The following NDRG1 variants were observed in gnomAD, a reference collection of about 807,000 sequenced individuals.
NDRG1 encodes N-myc downstream regulated 1.
A neutral mutation model predicts 56.9 loss-of-function variants in NDRG1; 32 were observed. That is an observed-to-expected ratio of 0.56 (90% CI 0.42 to 0.76). NDRG1 has a LOEUF of 0.76. Among genes scored for constraint, NDRG1 ranks in the 30% least tolerant of loss-of-function variants. The pLI, the probability that NDRG1 is intolerant of heterozygous loss-of-function variation, is 0.00. For synonymous variants in NDRG1, 211 were observed against 204.1 expected (o/e 1.03, Z -0.29); for missense variants, 507 against 545.7 (o/e 0.93, Z 0.71).
rs554834083 is a variant in NDRG1 at position 133,280,580 on chromosome 8, C to T, written c.64-313G>A. On this transcript the variant is annotated intron_variant, in intron 2 of 15. Coordinates refer to ENST00000323851, the MANE Select transcript of NDRG1 (RefSeq NM_006096.4). ...CTGGGACTACAGGTGCCCGCCACCA[C>T]GCCCAGTTATTTTTATTTTTATTTT... is the stretch of plus-strand genomic sequence containing the variant. Among the ~76,000 whole-genome samples the T allele has an allele frequency of 4.6e-5, 7 of 152,114 alleles. No individual in the cohort carries two copies. In the South Asian group the frequency reaches 8.3e-4, roughly 18 times the overall value.
intron 11 of NDRG1, 83 bp from the exon 12 acceptor site, chr8:133,248,009 G>A: frequency 7.4e-7 from 1 of 1,345,858 alleles, no homozygotes; most frequent in Non-Finnish European, 1.1e-6. Flanking sequence ...GCTGGGGCCT[G>A]CATTCTACAA....
chr8:133,266,192 C>T (rs906128711), intron 3 of NDRG1, among the ~76,000 whole-genome samples: 1 of 152,258 alleles, frequency 6.6e-6, no homozygotes, highest in Non-Finnish European at 1.5e-5. Context: ...AATCAGCCTC[C>T]GCGGGGCCCC....
intron 3 of NDRG1, among the ~76,000 whole-genome samples, chr8:133,272,949 C>A (rs1857267384): frequency 6.6e-6 from 1 of 152,146 alleles, no homozygotes; most frequent in African/African-American, 2.4e-5. Flanking sequence ...GTGAGCTGGT[C>A]CGCTTCCAAG....
chr8:133,249,671 G>A (rs1855902679), intron 10 of NDRG1, among the ~76,000 whole-genome samples: 1 of 152,210 alleles, frequency 6.6e-6, no homozygotes, highest in African/African-American at 2.4e-5. Context: ...TAAGTGAACC[G>A]CACTGCCAGG....
intron 3 of NDRG1, among the ~76,000 whole-genome samples, chr8:133,278,474 G>A (rs1051419193): frequency 4.6e-5 from 7 of 152,110 alleles, no homozygotes; most frequent in South Asian, 4.1e-4. Flanking sequence ...CATGCCCAGC[G>A]TCCTGCAACA....
chr8:133,273,614 C>T (rs1857304119), intron 3 of NDRG1, among the ~76,000 whole-genome samples: 1 of 152,320 alleles, frequency 6.6e-6, no homozygotes, highest in South Asian at 2.1e-4. Flanking sequence ...ATTACGACTT[C>T]CATGACTATA....
intron 1 of NDRG1, among the ~76,000 whole-genome samples, chr8:133,294,674 G>GC (rs1858636996): frequency 4.1e-5 from 6 of 145,096 alleles, no homozygotes; most frequent in African/African-American, 1.6e-4. Flanking sequence ...TCTGTCATGG[G>GC]GGGGGGGCAG....
intron 1 of NDRG1, among the ~76,000 whole-genome samples, chr8:133,293,214 C>T (rs1034483941): frequency 6.6e-6 from 1 of 152,210 alleles, no homozygotes; most frequent in Non-Finnish European, 1.5e-5. Context: ...GGGCTAAGTT[C>T]TCAGCCAAGA....
At position 133,279,676 on chromosome 8, in the gene NDRG1, G is replaced by A. The variant is rs114044647; in HGVS notation, c.99+556C>T. ...GGACCCACCCCAGCTTGGGGCTAAC[G>A]AGTCCAGGACTTAGATTTCCTGAAG... On this transcript the variant is annotated intron_variant, in intron 3 of 15. Coordinates refer to ENST00000323851, the MANE Select transcript of NDRG1 (RefSeq NM_006096.4). Among the ~76,000 whole-genome samples the A allele has an allele frequency of 6.9e-3, 1,050 of 152,306 alleles. 22 individuals are homozygous for A. The highest frequency in any genetic ancestry group is 0.023 in the African/African-American group (967 of 41,550).
intron 15 of NDRG1, chr8:133,239,325 G>A (rs1452782562): frequency 2.4e-5 from 19 of 779,360 alleles, no homozygotes; most frequent in South Asian, 1.0e-4. Flanking sequence ...AGGAACTGCC[G>A]CAATCACACC....
intron 2 of NDRG1, 115 bp from the exon 3 acceptor site, chr8:133,280,382 T>TG: frequency 1.0e-6 from 1 of 961,220 alleles, no homozygotes; most frequent in Non-Finnish European, 1.6e-6. Flanking sequence ...TCCTCCTTTG[T>TG]GGGGTCTCCT....
At chr8:133,244,751 T>C (rs1298009860) in intron 13 of NDRG1, 1 of 427,724 alleles carries the variant, frequency 2.3e-6, no homozygotes, top group African/African-American at 2.0e-5. Flanking sequence ...CCAGGATCTC[T>C]CTGACCCGAA....
intron 13 of NDRG1, chr8:133,244,656 C>A: frequency 1.7e-6 from 1 of 580,472 alleles, no homozygotes; most frequent in East Asian, 2.9e-5. Flanking sequence ...ACTCCATTCC[C>A]CAAGAACCAT....
At chr8:133,257,116 C>G (rs777774102) in intron 7 of NDRG1, among the ~76,000 whole-genome samples, 1 of 152,188 alleles carries the variant, frequency 6.6e-6, no homozygotes, top group Non-Finnish European at 1.5e-5. Context: ...GCTTTGCAGG[C>G]CTGCCTTGGG....
At chr8:133,275,847 C>T (rs1437955736) in intron 3 of NDRG1, among the ~76,000 whole-genome samples, 11 of 152,304 alleles carry the variant, frequency 7.2e-5, no homozygotes, top group South Asian at 2.1e-4. Flanking sequence ...ACAGGATCGC[C>T]GTAAGCACAC....
intron 2 of NDRG1, among the ~76,000 whole-genome samples, chr8:133,282,838 T>C (rs939935523): frequency 6.6e-6 from 1 of 152,242 alleles, no homozygotes; most frequent in Non-Finnish European, 1.5e-5. Context: ...TTTGCAGACC[T>C]TAGTGTGGAA....
chr8:133,267,357 GGGCC>G (rs1252097994), intron 3 of NDRG1, among the ~76,000 whole-genome samples: 2 of 152,180 alleles, frequency 1.3e-5, no homozygotes, highest in Non-Finnish European at 2.9e-5. Flanking sequence ...GCACTGTACA[GGGCC>G]AGGCCCAGCC....
In NDRG1 at chr8:133,246,320, T is replaced by C. The variant is rs2272647; in HGVS notation, c.855+296A>G. ...GCAGAGAGCCCCTCTTGGAGGAATG[T>C]CCTGGCCCCAGCCTATGGAGGGCCC... On this transcript the variant is annotated intron_variant, in intron 13 of 15. Coordinates refer to ENST00000323851, the MANE Select transcript of NDRG1 (RefSeq NM_006096.4). Among the ~76,000 whole-genome samples, 16,305 of 152,206 alleles carry C rather than the reference T, an allele frequency of 0.11. 945 individuals carry two copies. Among genetic ancestry groups the C allele is most frequent in the Admixed American group, 0.16 (2,500 of 15,300 alleles).
chr8:133,246,517 C>G (rs975614125), intron 13 of NDRG1, 99 bp downstream of exon 13: 13 of 1,187,950 alleles, frequency 1.1e-5, no homozygotes, highest in Non-Finnish European at 1.6e-5. Flanking sequence ...AGTTTCTGAT[C>G]GTGTGCCTTG....
Sources: gnomAD v4.1 joint callset for allele counts (sites outside exome capture counted in the v4.1 genomes callset) on GRCh38, gnomAD v4.1.1 for gene constraint, MANE v1.5 for transcripts, NCBI Gene and HGNC (gene_info 2026-07-23, HGNC 2026-07-21) for gene names.